The following BRAP variants were observed in gnomAD, a reference collection of about 807,000 sequenced individuals.
BRAP encodes BRCA1 associated protein, also known as BRCA1-associated protein.
In BRAP, 42 loss-of-function variants were observed where a neutral mutation model predicts 73.4. The ratio of observed to expected loss-of-function variants is 0.57; its 90% CI spans 0.45 to 0.74. BRAP has a LOEUF of 0.74. BRAP is among the 30% of genes least tolerant of loss of function. The pLI, the probability that BRAP is intolerant of heterozygous loss-of-function variation, is 0.00. For synonymous variants in BRAP, 255 were observed against 267.4 expected, an observed-to-expected ratio of 0.95 and a Z score of 0.45; for missense variants, 593 against 751.4, an observed-to-expected ratio of 0.79 and a Z score of 2.46.
At chr12:111,649,297 T>C (rs1373028085) in intron 11 of BRAP, among the ~76,000 whole-genome samples, 1 of 152,072 alleles carries the variant, frequency 6.6e-6, no homozygotes, top group Non-Finnish European at 1.5e-5. Context: ...GGACTACAGG[T>C]ATGCGCCACC....
At chr12:111,656,551 C>T (rs1010854157) in intron 9 of BRAP, among the ~76,000 whole-genome samples, 2 of 152,202 alleles carry the variant, frequency 1.3e-5, no homozygotes, top group African/African-American at 4.8e-5. Flanking sequence ...GTCACATCTC[C>T]ATTTTGGAAA....
intron 2 of BRAP, 78 bp downstream of exon 2, chr12:111,683,068 G>C: frequency 6.8e-7 from 1 of 1,460,660 alleles, no homozygotes; most frequent in Non-Finnish European, 9.3e-7. Context: ...GAAATTGTAG[G>C]CTCATCAAAC....
intron 2 of BRAP, among the ~76,000 whole-genome samples, chr12:111,682,510 AAAAAAAAAG>A (rs1425224100): frequency 1.3e-5 from 2 of 151,540 alleles, no homozygotes; most frequent in African/African-American, 4.8e-5. Context: ...AAAAAAAAAA[AAAAAAAAAG>A]AAAAGAAAGA....
At chr12:111,676,629 G>C (rs1188793094) in intron 4 of BRAP, among the ~76,000 whole-genome samples, 2 of 152,204 alleles carry the variant, frequency 1.3e-5, no homozygotes, top group East Asian at 3.8e-4. Context: ...GGCCAGGCTG[G>C]TCTCAAACCA....
At chr12:111,661,963 C>A (rs564993962) in intron 6 of BRAP, among the ~76,000 whole-genome samples, 13 of 152,200 alleles carry the variant, frequency 8.5e-5, no homozygotes, top group African/African-American at 3.1e-4. Context: ...CATGAGCCAC[C>A]GCACCTGGCT....
chr12:111,672,078 C>T (rs936749063), intron 5 of BRAP, among the ~76,000 whole-genome samples: 1 of 152,034 alleles, frequency 6.6e-6, no homozygotes, highest in African/African-American at 2.4e-5. Flanking sequence ...TGGTGGTACA[C>T]ACTTGTAGTC....
chr12:111,654,868 C>T (rs556547105), intron 10 of BRAP, among the ~76,000 whole-genome samples: 2 of 152,248 alleles, frequency 1.3e-5, no homozygotes, highest in East Asian at 1.9e-4. Flanking sequence ...CACTGAATTA[C>T]AAACACTGTC....
At chr12:111,684,411 C>T (rs1050153485) in intron 1 of BRAP, among the ~76,000 whole-genome samples, 9 of 152,338 alleles carry the variant, frequency 5.9e-5, no homozygotes, top group Middle Eastern at 3.4e-3. Flanking sequence ...TCAAAGGTCA[C>T]GTCCTCAGGA....
chr12:111,682,497 C>CAAAAAAACAA (rs1887641033), intron 2 of BRAP, among the ~76,000 whole-genome samples: 1 of 77,906 alleles, frequency 1.3e-5, no homozygotes, highest in Non-Finnish European at 2.4e-5. Flanking sequence ...GAGACTGTCT[C>CAAAAAAACAA]AAAAAAAAAA....
At chr12:111,663,092 G>A (rs1886814768) in intron 6 of BRAP, among the ~76,000 whole-genome samples, 2 of 151,950 alleles carry the variant, frequency 1.3e-5, no homozygotes, top group East Asian at 1.9e-4. Flanking sequence ...AAAATTACAA[G>A]AATAAACTTG....
At chr12:111,666,923 AT>A (rs927152901) in intron 5 of BRAP, among the ~76,000 whole-genome samples, 4 of 151,564 alleles carry the variant, frequency 2.6e-5, no homozygotes, top group Admixed American at 6.6e-5. Context: ...TATCACGTCA[AT>A]TTTTTTTTGA....
At chr12:111,650,081 G>A in intron 10 of BRAP, 39 bp from the exon 11 acceptor site, 2 of 1,409,014 alleles carry the variant, frequency 1.4e-6, no homozygotes, top group Non-Finnish European at 2.0e-6. Flanking sequence ...TTTCACAAAG[G>A]TAATGTGGTG....
At chr12:111,681,490 GA>G in intron 3 of BRAP, 146 bp downstream of exon 3, 1 of 600,130 alleles carries the variant, frequency 1.7e-6, no homozygotes, top group Non-Finnish European at 2.7e-6. Flanking sequence ...AAACATCTGA[GA>G]ATTCTCTAAC....
Position 111,655,665 on chromosome 12 carries a change from T to G in BRAP, c.1222-10A>C, listed in dbSNP as rs369279510. The G allele has an allele frequency of 6.3e-7, 1 of 1,597,818 alleles. No individual in the cohort carries two copies. The highest frequency in any genetic ancestry group is 1.3e-5 in the African/African-American group (1 of 74,680). ...TTAGTAAATATGAATACTAGAAACA[T>G]AGAGAATAAAGACCAAAATGTAAGT... On this transcript the variant is annotated splice_polypyrimidine_tract_variant and intron_variant, in intron 9 of 11. Transcript: ENST00000419234.
chr12:111,653,572 A>G (rs1415397549), intron 10 of BRAP, among the ~76,000 whole-genome samples: 3 of 152,162 alleles, frequency 2.0e-5, no homozygotes, highest in Non-Finnish European at 2.9e-5. Context: ...TAACGGCACT[A>G]CCTAAGGCAC....
chr12:111,672,425 C>T (rs1314596071), intron 5 of BRAP, among the ~76,000 whole-genome samples: 1 of 151,934 alleles, frequency 6.6e-6, no homozygotes, highest in Non-Finnish European at 1.5e-5. Context: ...AGTATATTCA[C>T]AAGGTTGTGC....
intron 9 of BRAP, among the ~76,000 whole-genome samples, chr12:111,656,684 T>C (rs1442412340): frequency 6.6e-6 from 1 of 151,950 alleles, no homozygotes; most frequent in Non-Finnish European, 1.5e-5. Flanking sequence ...TTCAATACTG[T>C]GTTTGCAGCA....
At position 111,685,711 on chromosome 12, in the gene BRAP, C is replaced by T. The variant is rs1887801657; in HGVS notation, c.82G>A (p.Ala28Thr). The change falls in exon 1 of 12, where the codon GCC (alanine) becomes ACC (threonine). Residue 28 changes from alanine (A) to threonine (T), a missense_variant and splice_region_variant. Ala to Thr is a moderately conservative substitution (Grantham distance 58). This residue lies in a region of BRAP where 304 missense variants were observed against 337.7 expected (regional missense o/e 0.90). Coordinates refer to ENST00000419234, the MANE Select transcript of BRAP (RefSeq NM_006768.5). ...AATGCGGCGAGGCCGCGGGACTCAC[C>T]CGCGGCGCTGAAGCCGAAGCCGGCG... Reference protein sequence around the residue: ...VPAGFGFSAAAGEMSDEEIKK... With the variant: ...VPAGFGFSAATGEMSDEEIKK... The T allele has an allele frequency of 1.9e-6, 3 of 1,604,174 alleles. No individual in the cohort carries two copies. The highest frequency in any genetic ancestry group is 1.7e-5 in the Admixed American group (1 of 58,908).
At chr12:111,645,511 G>C (rs1592963896) in intron 11 of BRAP, among the ~76,000 whole-genome samples, 1 of 152,146 alleles carries the variant, frequency 6.6e-6, no homozygotes, top group East Asian at 1.9e-4. Context: ...TGATAGCTGT[G>C]ATAAGGAAGT....
Sources: allele counts gnomAD v4.1 joint callset (sites outside exome capture counted in the v4.1 genomes callset), GRCh38; gene constraint gnomAD v4.1.1; regional missense constraint gnomAD v4.1.1; transcripts MANE v1.5; gene names NCBI Gene and HGNC (gene_info 2026-07-23, HGNC 2026-07-21).